CHD7: variants seen among roughly 807,000 people sequenced by gnomAD.
The protein encoded by CHD7 is ATP-dependent chromatin remodeler CHD7.
Under a neutral mutation model 307.3 loss-of-function variants are expected in CHD7, and 24 were observed. The observed-to-expected ratio is 0.08, with a 90% CI of 0.06 to 0.11. The LOEUF is 0.11. Among genes scored for constraint, CHD7 ranks in the 10% least tolerant of loss-of-function variants. The pLI is 1.00. For synonymous variants in CHD7, 1,363 were observed against 1,349.9 expected (o/e 1.01, Z -0.21); for missense variants, 3,106 against 3,727.1 (o/e 0.83, Z 4.34).
intron 4 of CHD7, among the ~76,000 whole-genome samples, chr8:60,796,113 T>C (rs891948215): frequency 2.0e-5 from 3 of 152,228 alleles, no homozygotes; most frequent in African/African-American, 7.2e-5. Context: ...CTGATACCTA[T>C]AACTTCACAG....
intron 2 of CHD7, among the ~76,000 whole-genome samples, chr8:60,772,000 C>T (rs531129466): frequency 6.6e-6 from 1 of 152,180 alleles, no homozygotes; most frequent in South Asian, 2.1e-4. Flanking sequence ...TCGCTGTATT[C>T]TGTTGGCTTG....
chr8:60,845,198 A>G, intron 22 of CHD7, 52 bp from the exon 23 acceptor site: 1 of 1,580,704 alleles, frequency 6.3e-7, no homozygotes, highest in Non-Finnish European at 8.6e-7. Flanking sequence ...TGCCATTGAC[A>G]CTATAATTGG....
chr8:60,785,805 C>CTT (rs1811462241), intron 3 of CHD7, among the ~76,000 whole-genome samples: 1 of 151,644 alleles, frequency 6.6e-6, no homozygotes, highest in Non-Finnish European at 1.5e-5. Flanking sequence ...TAAATTAAAC[C>CTT]CTCAGCCTTC....
rs1805167446 is a variant in CHD7 at position 60,845,508 on chromosome 8, C to T, written c.5210+99C>T. The T allele has an allele frequency of 4.4e-6, 6 of 1,356,492 alleles. No homozygotes were observed. In the East Asian group the frequency reaches 1.5e-4, roughly 34 times the overall value. The allele number at this position is 1,356,492 out of a possible 1,614,324, so 84.0% of individuals were successfully genotyped here. On this transcript the variant is annotated intron_variant, in intron 23 of 37. Coordinates refer to ENST00000423902, the MANE Select transcript of CHD7 (RefSeq NM_017780.4). ...TTCACGTCTGCAGATGCAGAACTCG[C>T]AGATTTGGAGGGTCAACTGAGGGAC... is the stretch of plus-strand genomic sequence containing the variant.
chr8:60,811,945 A>T (rs942502019), intron 7 of CHD7, among the ~76,000 whole-genome samples: 3 of 152,206 alleles, frequency 2.0e-5, no homozygotes, highest in African/African-American at 7.2e-5. Flanking sequence ...TCATAAGATT[A>T]ATGGCCACTT....
intron 1 of CHD7, among the ~76,000 whole-genome samples, chr8:60,695,661 C>A (rs988592739): frequency 2.0e-5 from 3 of 152,146 alleles, no homozygotes; most frequent in African/African-American, 7.2e-5. Context: ...GAAGCAATTG[C>A]AGTCTGAAAG....
At chr8:60,858,645 T>C (rs925915643) in intron 34 of CHD7, among the ~76,000 whole-genome samples, 1 of 152,274 alleles carries the variant, frequency 6.6e-6, no homozygotes, top group Non-Finnish European at 1.5e-5. Context: ...TCTCACTCTT[T>C]CGCCCAGGCT....
intron 2 of CHD7, among the ~76,000 whole-genome samples, chr8:60,751,379 T>C (rs975477343): frequency 6.6e-6 from 1 of 152,192 alleles, no homozygotes. Flanking sequence ...CGGCAGTCTC[T>C]GGTACAGCAG....
At chr8:60,824,517 T>A (rs1258853921) in intron 13 of CHD7, 1 of 156,384 alleles carries the variant, frequency 6.4e-6, no homozygotes, top group Non-Finnish European at 1.4e-5. Flanking sequence ...ACTTAACCTG[T>A]ACTGCCATTT....
chr8:60,682,958 G>A (rs1415046516), intron 1 of CHD7, among the ~76,000 whole-genome samples: 1 of 152,156 alleles, frequency 6.6e-6, no homozygotes, highest in East Asian at 1.9e-4. Context: ...TAGTCACATA[G>A]CTAAAATCAC....
At chr8:60,791,865 T>G (rs1023884492) in intron 3 of CHD7, among the ~76,000 whole-genome samples, 1 of 152,226 alleles carries the variant, frequency 6.6e-6, no homozygotes, top group African/African-American at 2.4e-5. Flanking sequence ...TCCTTCTATG[T>G]ATGTTGCTTG....
rs192378587 is a variant in CHD7, at chr8:60,790,938, C to G, written c.2097-4048C>G. The stretch of plus-strand genomic sequence containing the variant: ...CTTCTTGGAATGAGTGGTGTCCGCG[C>G]AGGGTCTTGCAGATGAGTAGGTTGG... On this transcript the variant is annotated intron_variant, in intron 3 of 37. Transcript: ENST00000423902. Among the ~76,000 whole-genome samples the G allele has an allele frequency of 7.5e-3, 1,135 of 152,194 alleles. 5 individuals carry two copies. The highest frequency in any genetic ancestry group is 0.012 in the Non-Finnish European group (784 of 68,018).
chr8:60,696,637 GTCTT>G (rs1282168277), intron 1 of CHD7, among the ~76,000 whole-genome samples: 4 of 151,078 alleles, frequency 2.6e-5, no homozygotes, highest in South Asian at 2.1e-4. Flanking sequence ...TTTTAATTCA[GTCTT>G]TCTACTTTTT....
intron 1 of CHD7, among the ~76,000 whole-genome samples, chr8:60,708,721 A>G (rs190641294): frequency 1.3e-5 from 2 of 152,220 alleles, no homozygotes; most frequent in Admixed American, 1.3e-4. Flanking sequence ...TGTCCACTCA[A>G]ACTCAGCTTT....
intron 1 of CHD7, among the ~76,000 whole-genome samples, chr8:60,706,420 G>A (rs1439238526): frequency 1.3e-5 from 2 of 152,084 alleles, no homozygotes; most frequent in African/African-American, 4.8e-5. Flanking sequence ...CTAGAATTTT[G>A]CATATAGTTT....
At chr8:60,858,762 C>T (rs1375424676) in intron 34 of CHD7, among the ~76,000 whole-genome samples, 1 of 152,132 alleles carries the variant, frequency 6.6e-6, no homozygotes, top group East Asian at 1.9e-4. Flanking sequence ...CGCGCACCAC[C>T]ATACCTGGCT....
Position 60,830,346 on chromosome 8 carries a change from A to G in CHD7, c.3547A>G (p.Lys1183Glu). Residue 1183 changes from lysine (K) to glutamate (E), a missense_variant, in exon 15 of 38, where the codon AAG (lysine) becomes GAG (glutamate). Transcript: ENST00000423902. ...GGTGCAAAAACTTCAAGCTATTCTA[A>G]AGCCAATGATGTTGAGACGTCTCAA... ...EQVQKLQAIL[K>E]PMMLRRLKED... is the part of the protein sequence containing the mutation. 6.2e-7 allele frequency: 1 copy of G among 1,613,466 alleles called. No homozygotes were observed. The highest frequency in any genetic ancestry group is 1.1e-5 in the South Asian group (1 of 90,994).
chr8:60,701,819 G>C (rs1191451494), intron 1 of CHD7, among the ~76,000 whole-genome samples: 1 of 152,094 alleles, frequency 6.6e-6, no homozygotes, highest in Non-Finnish European at 1.5e-5. Context: ...TTTTTTTGGG[G>C]AGAGGCAGCC....
At chr8:60,695,093 G>C (rs1372348000) in intron 1 of CHD7, among the ~76,000 whole-genome samples, 1 of 152,128 alleles carries the variant, frequency 6.6e-6, no homozygotes, top group Non-Finnish European at 1.5e-5. Context: ...TAGGAGCCTG[G>C]CATGGAGCGG....
Sources: allele counts gnomAD v4.1 joint callset (sites outside exome capture counted in the v4.1 genomes callset), GRCh38; gene constraint gnomAD v4.1.1; transcripts MANE v1.5; gene names NCBI Gene and HGNC (gene_info 2026-07-23, HGNC 2026-07-21).